The following PTPRT variants were observed in gnomAD, a reference collection of about 807,000 sequenced individuals.
PTPRT encodes receptor-type tyrosine-protein phosphatase T.
In PTPRT, 56 loss-of-function variants were observed where a neutral mutation model predicts 176.8. That is an observed-to-expected ratio of 0.32 (90% CI 0.26 to 0.40). The LOEUF is 0.40. Among genes scored for constraint, PTPRT ranks in the 10% least tolerant of loss-of-function variants. PTPRT has a pLI of 1.00. For synonymous variants in PTPRT, 783 were observed against 739.0 expected, an observed-to-expected ratio of 1.06 and a Z score of -0.96; for missense variants, 1,540 against 1,908.2, an observed-to-expected ratio of 0.81 and a Z score of 3.60.
chr20:42,438,010 A>T (rs982022238), intron 9 of PTPRT, among the ~76,000 whole-genome samples: 38 of 152,198 alleles, frequency 2.5e-4, no homozygotes, highest in Non-Finnish European at 1.0e-4. Context: ...TTCACAACTT[A>T]AGTGCTGCCT....
At chr20:42,916,087 T>A (rs1978727033) in intron 1 of PTPRT, among the ~76,000 whole-genome samples, 1 of 151,886 alleles carries the variant, frequency 6.6e-6, no homozygotes, top group Admixed American at 6.6e-5. Flanking sequence ...TAGCATTAGG[T>A]ATATCTTTTA....
intron 1 of PTPRT, among the ~76,000 whole-genome samples, chr20:42,904,544 C>T (rs2079448945): frequency 6.6e-6 from 1 of 152,168 alleles, no homozygotes; most frequent in South Asian, 2.1e-4. Flanking sequence ...AGGTGAAAAC[C>T]TTCCACAGAA....
chr20:42,823,485 G>A (rs1421516201), intron 2 of PTPRT, among the ~76,000 whole-genome samples: 1 of 151,894 alleles, frequency 6.6e-6, no homozygotes, highest in Non-Finnish European at 1.5e-5. Context: ...CCTGCATATT[G>A]TGCACATGTA....
At chr20:43,081,684 T>C (rs569398911) in intron 1 of PTPRT, among the ~76,000 whole-genome samples, 11 of 152,312 alleles carry the variant, frequency 7.2e-5, no homozygotes, top group Non-Finnish European at 1.5e-4. Context: ...CAGTTCTTAG[T>C]CCAAGACTGA....
intron 11 of PTPRT, among the ~76,000 whole-genome samples, chr20:42,327,253 A>G (rs6072687): frequency 0.46 from 69,764 of 151,862 alleles, 16,813 homozygotes; most frequent in African/African-American, 0.6. Context: ...ACCTCGCTAC[A>G]TATGAAAAAC....
chr20:43,083,218 G>A (rs372266896), intron 1 of PTPRT, among the ~76,000 whole-genome samples: 25 of 148,826 alleles, frequency 1.7e-4, no homozygotes, highest in African/African-American at 5.7e-4. Context: ...TTTGTTTATT[G>A]CTCATTGTGA....
At chr20:42,982,172 A>C (rs1983320747) in intron 1 of PTPRT, among the ~76,000 whole-genome samples, 1 of 152,184 alleles carries the variant, frequency 6.6e-6, no homozygotes, top group South Asian at 2.1e-4. Context: ...AGGTTGACGA[A>C]GAGGTGTCAT....
chr20:42,563,085 A>C (rs975834872), intron 7 of PTPRT, among the ~76,000 whole-genome samples: 3 of 152,192 alleles, frequency 2.0e-5, no homozygotes, highest in Non-Finnish European at 4.4e-5. Context: ...ATATAAAAAG[A>C]GTATAAAGAA....
At chr20:43,078,620 T>C (rs2011346161) in intron 1 of PTPRT, among the ~76,000 whole-genome samples, 4 of 152,134 alleles carry the variant, frequency 2.6e-5, no homozygotes, top group African/African-American at 9.7e-5. Flanking sequence ...ACAAATGCCA[T>C]AGGGAAAGCA....
intron 1 of PTPRT, among the ~76,000 whole-genome samples, chr20:43,022,627 T>C (rs1441380770): frequency 2.0e-5 from 3 of 150,636 alleles, no homozygotes; most frequent in Non-Finnish European, 4.4e-5. Context: ...AAGAGGAGAG[T>C]CTCTCCCAGA....
chr20:42,919,285 G>A (rs535421320), intron 1 of PTPRT, among the ~76,000 whole-genome samples: 1 of 152,324 alleles, frequency 6.6e-6, no homozygotes, highest in South Asian at 2.1e-4. Flanking sequence ...GAGCTAGATG[G>A]ACTCTTTGTA....
At chr20:43,063,210 G>A (rs1161931448) in intron 1 of PTPRT, 2 of 152,222 alleles carry the variant, frequency 1.3e-5, no homozygotes, top group Non-Finnish European at 2.9e-5. Flanking sequence ...CTAGGTAGAA[G>A]TGGCCTCAAA....
intron 1 of PTPRT, among the ~76,000 whole-genome samples, chr20:42,948,346 C>T (rs1981019662): frequency 1.3e-5 from 2 of 152,192 alleles, no homozygotes; most frequent in African/African-American, 4.8e-5. Context: ...CCGGTTCATC[C>T]TCTGGAGAAC....
intron 7 of PTPRT, among the ~76,000 whole-genome samples, chr20:42,542,506 T>C (rs1322966136): frequency 6.6e-6 from 1 of 152,136 alleles, no homozygotes; most frequent in African/African-American, 2.4e-5. Context: ...CAGGACAAGT[T>C]AAAAATGTAT....
downstream of PTPRT, among the ~76,000 whole-genome samples, chr20:42,067,850 G>A (rs1176546166): frequency 6.6e-6 from 1 of 152,160 alleles, no homozygotes; most frequent in Non-Finnish European, 1.5e-5. Flanking sequence ...CTGAAGCCCA[G>A]TTTCCCAGCT....
intron 7 of PTPRT, among the ~76,000 whole-genome samples, chr20:42,535,285 A>T (rs1019679640): frequency 5.4e-4 from 82 of 152,144 alleles, no homozygotes; most frequent in Non-Finnish European, 4.4e-5. Flanking sequence ...GTACATAGGG[A>T]CACAAAGAAA....
Position 42,771,722 on chromosome 20 carries a change from C to T in PTPRT, c.569-172G>A, listed in dbSNP as rs139681891. 3.4e-4 allele frequency among the ~76,000 whole-genome samples: 52 copies of T among 152,324 alleles called. 1 individual carries two copies. The highest frequency in any genetic ancestry group is 1.2e-3 in the African/African-American group (50 of 41,574). ...CACTTATTATAAGTCTGGCACTGTT[C>T]GAACTTTACACGCAGAATCTCACTG... On this transcript the variant is annotated intron_variant, in intron 4 of 30. Transcript: ENST00000373187.
At chr20:42,121,430 C>T (rs527285224) in intron 19 of PTPRT, among the ~76,000 whole-genome samples, 4 of 152,214 alleles carry the variant, frequency 2.6e-5, no homozygotes, top group African/African-American at 7.2e-5. Flanking sequence ...TCACAGAGCT[C>T]AGCACAATGT....
intron 27 of PTPRT, among the ~76,000 whole-genome samples, chr20:42,087,649 G>C (rs1000919243): frequency 4.0e-5 from 6 of 151,082 alleles, no homozygotes; most frequent in African/African-American, 1.5e-4. Context: ...GCCAAGGTGG[G>C]TGGATCGTGA....
Sources: allele counts gnomAD v4.1 joint callset (sites outside exome capture counted in the v4.1 genomes callset), GRCh38; gene constraint gnomAD v4.1.1; transcripts MANE v1.5; gene names NCBI Gene and HGNC (gene_info 2026-07-23, HGNC 2026-07-21).